The following ANOS1 variants were observed in gnomAD, a reference collection of about 807,000 sequenced individuals.
The protein encoded by ANOS1 is anosmin-1.
In ANOS1, 6 loss-of-function variants were observed where a neutral mutation model predicts 59.0. The ratio of observed to expected loss-of-function variants is 0.10; its 90% CI spans 0.06 to 0.20. ANOS1 has a LOEUF of 0.20. ANOS1 is among the 10% of genes least tolerant of loss of function. ANOS1 has a pLI of 1.00. For missense variants in ANOS1, 433 were observed against 542.3 expected (o/e 0.80, Z 2.00); for synonymous variants, 217 against 223.4 (o/e 0.97, Z 0.25).
chrX:8,531,696 C>T lies in ANOS1; in HGVS notation c.*1299G>A, dbSNP rs763752109. On this transcript the variant is annotated 3_prime_UTR_variant, in exon 14 of 14. Transcript: ENST00000262648. ...ATATGCATGTGTCTGTGTGTATATA[C>T]ATGTATATGTACATATATTTGCATA... 2.7e-5 allele frequency: 3 copies of T among 111,211 alleles called. No homozygotes were observed. The highest frequency in any genetic ancestry group is 5.7e-4 in the East Asian group (2 of 3,536). 9.2% of individuals were successfully genotyped at this position (111,211 alleles called of 1,213,427 possible).
intron 3 of ANOS1, among the ~76,000 whole-genome samples, chrX:8,615,967 C>T (rs760299741): frequency 9.0e-6 from 1 of 110,739 alleles, no homozygotes; most frequent in Non-Finnish European, 1.9e-5. Flanking sequence ...ATAATTATTT[C>T]TCTACTCTAA....
chrX:8,612,936 T>A (rs1010459103), intron 3 of ANOS1, among the ~76,000 whole-genome samples: 1 of 111,578 alleles, frequency 9.0e-6, no homozygotes, highest in African/African-American at 3.2e-5. Context: ...AAGATAAATA[T>A]CAGAATTCTT....
chrX:8,629,509 G>A (rs759660922), intron 2 of ANOS1, among the ~76,000 whole-genome samples: 1 of 111,959 alleles, frequency 8.9e-6, no homozygotes, highest in East Asian at 2.8e-4. Flanking sequence ...CATGGGATTA[G>A]TAAACTATGG....
chrX:8,680,697 C>T (rs1006531653), intron 2 of ANOS1, among the ~76,000 whole-genome samples: 1 of 111,603 alleles, frequency 9.0e-6, no homozygotes, highest in African/African-American at 3.3e-5. Flanking sequence ...TCCTTCTTCC[C>T]GTCATTCTCT....
chrX:8,676,387 T>C lies in ANOS1; in HGVS notation c.255+23311A>G, dbSNP rs768265832. Among the ~76,000 whole-genome samples, 6 of 112,396 alleles carry C rather than the reference T, an allele frequency of 5.3e-5. No individual in the cohort carries two copies. The East Asian group carries it at 1.4e-3, about 26-fold the overall frequency. On this transcript the variant is annotated intron_variant, in intron 2 of 13. Coordinates refer to ENST00000262648, the MANE Select transcript of ANOS1 (RefSeq NM_000216.4). ...CTAAGACACATGCATTATGTTATCTTTATTTGTATAAGCTAATCAGAGTAA... is the reference window on the plus strand; with the variant it reads ...CTAAGACACATGCATTATGTTATCTCTATTTGTATAAGCTAATCAGAGTAA...
intron 9 of ANOS1, among the ~76,000 whole-genome samples, chrX:8,548,688 GGC>G (rs1569254984): frequency 8.9e-6 from 1 of 111,963 alleles, no homozygotes; most frequent in Non-Finnish European, 1.9e-5. Context: ...AACTGTTGAA[GGC>G]CACTGCACAG....
At chrX:8,560,904 T>C (rs868681844) in intron 8 of ANOS1, among the ~76,000 whole-genome samples, 13 of 112,622 alleles carry the variant, frequency 1.2e-4, no homozygotes, top group Admixed American at 9.4e-4. Flanking sequence ...ATGCAAGACT[T>C]TTCTGCTTTC....
At position 8,698,848 on chromosome X, in the gene ANOS1, T is replaced by A. The variant is rs761177117; in HGVS notation, c.255+850A>T. Among the ~76,000 whole-genome samples the A allele has an allele frequency of 4.2e-4, 47 of 112,278 alleles. 1 individual carries two copies. Among genetic ancestry groups the A allele is most frequent in the Non-Finnish European group, 7.5e-4 (40 of 53,187 alleles). ...TTCTATAATAATTTATTGTATGTATTTGAAAGACCTTTCACAAAATAATCC... is the reference window on the plus strand; with the variant it reads ...TTCTATAATAATTTATTGTATGTATATGAAAGACCTTTCACAAAATAATCC... On this transcript the variant is annotated intron_variant, in intron 2 of 13. Coordinates refer to ENST00000262648, the MANE Select transcript of ANOS1 (RefSeq NM_000216.4).
At chrX:8,594,658 G>GTATATATATATA (rs767812487) in intron 4 of ANOS1, among the ~76,000 whole-genome samples, 80 of 33,504 alleles carry the variant, frequency 2.4e-3, no homozygotes, top group East Asian at 3.4e-3. Flanking sequence ...ATATATATGT[G>GTATATATATATA]TATATATATA....
chrX:8,565,050 A>G (rs1453969307), intron 8 of ANOS1, among the ~76,000 whole-genome samples: 1 of 112,166 alleles, frequency 8.9e-6, no homozygotes, highest in African/African-American at 3.2e-5. Flanking sequence ...CCAGGGTTCC[A>G]TAAAAGTTTT....
chrX:8,719,617 G>A (rs188641247), intron 1 of ANOS1, among the ~76,000 whole-genome samples: 1 of 111,647 alleles, frequency 9.0e-6, no homozygotes, highest in East Asian at 2.8e-4. Context: ...CTAAACTCAG[G>A]CGATCTGCCC....
At chrX:8,562,079 T>C (rs1439601450) in intron 8 of ANOS1, among the ~76,000 whole-genome samples, 1 of 110,294 alleles carries the variant, frequency 9.1e-6, no homozygotes, top group African/African-American at 3.3e-5. Context: ...TAGCTGGGAC[T>C]ACAGGCACGC....
At chrX:8,581,788 C>T (rs1181600204) in intron 6 of ANOS1, among the ~76,000 whole-genome samples, 2 of 111,722 alleles carry the variant, frequency 1.8e-5, no homozygotes, top group Admixed American at 1.9e-4. Flanking sequence ...ACTTCCATAC[C>T]ATAAAATTGT....
In ANOS1 at chrX:8,691,550, T is replaced by TA. The variant is rs756380736; in HGVS notation, c.255+8147dup. Among the ~76,000 whole-genome samples the TA allele has an allele frequency of 4.5e-5, 5 of 111,820 alleles. No homozygotes were observed. In the East Asian group the frequency reaches 1.4e-3, roughly 32 times the overall value. On this transcript the variant is annotated intron_variant, in intron 2 of 13. Transcript: ENST00000262648. ...ATGGACGGATGGATGGATGGATGAA[T>TA]AGGGTCAATAAGGAATGCTGGTGCT... is the stretch of plus-strand genomic sequence containing the variant.
chrX:8,604,671 G>C (rs151082495), intron 3 of ANOS1, among the ~76,000 whole-genome samples: 102 of 111,944 alleles, frequency 9.1e-4, no homozygotes, highest in Middle Eastern at 4.6e-3. Flanking sequence ...AGACCACTGA[G>C]GGTAACTAAA....
At chrX:8,574,336 C>A (rs762081915) in intron 6 of ANOS1, among the ~76,000 whole-genome samples, 15 of 109,042 alleles carry the variant, frequency 1.4e-4, no homozygotes, top group African/African-American at 4.7e-4. Flanking sequence ...CATGATTATG[C>A]CTTGCTTTAT....
intron 2 of ANOS1, among the ~76,000 whole-genome samples, chrX:8,661,860 A>G (rs1268721523): frequency 9.0e-6 from 1 of 111,255 alleles, no homozygotes; most frequent in Non-Finnish European, 1.9e-5. Flanking sequence ...ATGTGCTACA[A>G]TAACATACTG....
At chrX:8,645,956 T>C (rs112566510) in intron 2 of ANOS1, among the ~76,000 whole-genome samples, 14,569 of 109,262 alleles carry the variant, frequency 0.13, 1,484 homozygotes, top group African/African-American at 0.33. Flanking sequence ...GTCTGGGTAA[T>C]TTTTGTATTT....
At chrX:8,630,162 G>A (rs1601992045) in intron 2 of ANOS1, among the ~76,000 whole-genome samples, 1 of 112,143 alleles carries the variant, frequency 8.9e-6, no homozygotes, top group Non-Finnish European at 1.9e-5. Flanking sequence ...AGGCGTGGTG[G>A]CTCATGCCTG....
Sources: gnomAD v4.1 joint callset for allele counts (sites outside exome capture counted in the v4.1 genomes callset) on GRCh38, gnomAD v4.1.1 for gene constraint, MANE v1.5 for transcripts, NCBI Gene and HGNC (gene_info 2026-07-23, HGNC 2026-07-21) for gene names.